EDIL3: variants seen among roughly 807,000 people sequenced by gnomAD.
EDIL3 encodes the protein EGF-like repeat and discoidin I-like domain-containing protein 3.
EDIL3 carries 37 observed loss-of-function variants against 67.4 expected under a neutral mutation model. The ratio of observed to expected loss-of-function variants is 0.55; its 90% CI spans 0.42 to 0.72. The LOEUF (loss-of-function observed/expected upper bound fraction) is 0.72, where lower values mean the gene tolerates loss of function less well. EDIL3 is among the 30% of genes least tolerant of loss of function. The probability of loss-of-function intolerance (pLI) is 0.00; values close to 1 mark genes in which losing one functional copy is unlikely to be tolerated. For synonymous variants in EDIL3, 195 were observed against 196.3 expected (o/e 0.99, Z 0.05); for missense variants, 527 against 586.3 (o/e 0.90, Z 1.04).
intron 10 of EDIL3, among the ~76,000 whole-genome samples, chr5:83,962,329 T>C (rs187008544): frequency 2.0e-5 from 3 of 151,558 alleles, no homozygotes; most frequent in African/African-American, 7.2e-5. Flanking sequence ...TTTGTTGATG[T>C]CTTCAGAAAG....
Position 84,297,085 on chromosome 5 carries a change from G to T in EDIL3, c.68-42873C>A, listed in dbSNP as rs183670359. The stretch of plus-strand genomic sequence containing the variant: ...TAGTCCCAGCTACTCAGGAGGCTGA[G>T]GCAGGAGAATGGTGTGAACCCAGGA... On this transcript the variant is annotated intron_variant, in intron 1 of 10. Coordinates refer to ENST00000296591, the MANE Select transcript of EDIL3 (RefSeq NM_005711.5). Among the ~76,000 whole-genome samples the T allele has an allele frequency of 9.2e-3, 1,384 of 151,104 alleles. 8 individuals carry two copies. Among genetic ancestry groups the T allele is most frequent in the Non-Finnish European group, 0.015 (986 of 67,848 alleles).
In EDIL3 at chr5:84,093,038, T is replaced by C. The variant is rs566163977; in HGVS notation, c.651+13611A>G. 1.8e-4 allele frequency among the ~76,000 whole-genome samples: 27 copies of C among 152,310 alleles called. 1 individual carries two copies. In the South Asian group the frequency reaches 5.2e-3, roughly 29 times the overall value. On this transcript the variant is annotated intron_variant, in intron 6 of 10. Coordinates refer to ENST00000296591, the MANE Select transcript of EDIL3 (RefSeq NM_005711.5). ...GAGGCACTCCCCGTATAAATATAAA[T>C]GCACCACATGTGGTACCAATGGATC...
At chr5:83,992,575 T>C (rs1377395913) in intron 9 of EDIL3, among the ~76,000 whole-genome samples, 1 of 152,130 alleles carries the variant, frequency 6.6e-6, no homozygotes, top group African/African-American at 2.4e-5. Flanking sequence ...GCACCAATGG[T>C]TTAAATTATG....
chr5:84,099,486 C>T (rs1561431159), intron 6 of EDIL3, among the ~76,000 whole-genome samples: 3 of 152,116 alleles, frequency 2.0e-5, no homozygotes, highest in African/African-American at 7.2e-5. Flanking sequence ...GAAAGGATTC[C>T]CTATTTAATA....
At chr5:84,274,200 A>G (rs1188761811) in intron 1 of EDIL3, among the ~76,000 whole-genome samples, 1 of 152,042 alleles carries the variant, frequency 6.6e-6, no homozygotes, top group African/African-American at 2.4e-5. Context: ...TCGAACTTCC[A>G]GGCTCATGTG....
chr5:84,162,847 C>T lies in EDIL3; in HGVS notation c.355+17546G>A, dbSNP rs148583879. Among the ~76,000 whole-genome samples the T allele has an allele frequency of 8.5e-4, 130 of 152,186 alleles. 1 individual carries two copies. Among genetic ancestry groups the T allele is most frequent in the Non-Finnish European group, 1.4e-3 (94 of 67,996 alleles). ...AGTGAGGACAGCTTAGGCCATAGCC[C>T]CTTGTCTTTGGGCCTCCCAAGAAAG... On this transcript the variant is annotated intron_variant, in intron 4 of 10. Coordinates refer to ENST00000296591, the MANE Select transcript of EDIL3 (RefSeq NM_005711.5).
intron 5 of EDIL3, among the ~76,000 whole-genome samples, chr5:84,129,947 C>A (rs1160596769): frequency 6.6e-6 from 1 of 152,122 alleles, no homozygotes; most frequent in Admixed American, 6.6e-5. Context: ...ACAATCTTAA[C>A]TCATCCACTA....
chr5:84,036,860 G>A (rs1265301732), intron 9 of EDIL3, among the ~76,000 whole-genome samples: 1 of 152,020 alleles, frequency 6.6e-6, no homozygotes, highest in African/African-American at 2.4e-5. Context: ...AAGGTGACAG[G>A]GTTGGCCAAG....
intron 6 of EDIL3, among the ~76,000 whole-genome samples, chr5:84,100,777 TTG>T (rs1747349632): frequency 6.6e-6 from 1 of 152,110 alleles, no homozygotes; most frequent in Non-Finnish European, 1.5e-5. Context: ...CTTTGAGAAA[TTG>T]TGTTTGTTTT....
chr5:84,050,504 G>T (rs1561414981), intron 9 of EDIL3, among the ~76,000 whole-genome samples: 1 of 152,352 alleles, frequency 6.6e-6, no homozygotes, highest in East Asian at 1.9e-4. Flanking sequence ...GTGAGCTGAA[G>T]CAGGGCGAGG....
At chr5:84,085,138 G>C (rs1015582751) in intron 6 of EDIL3, among the ~76,000 whole-genome samples, 1 of 152,172 alleles carries the variant, frequency 6.6e-6, no homozygotes, top group Non-Finnish European at 1.5e-5. Context: ...CTTTAGCTAA[G>C]AGGAGTTTGT....
intron 4 of EDIL3, among the ~76,000 whole-genome samples, chr5:84,165,135 C>T (rs1394302007): frequency 6.6e-6 from 1 of 152,114 alleles, no homozygotes; most frequent in Non-Finnish European, 1.5e-5. Flanking sequence ...GATTGTGAAG[C>T]TGGTGTCCCT....
At chr5:84,320,195 G>T (rs1343362573) in intron 1 of EDIL3, among the ~76,000 whole-genome samples, 1 of 151,958 alleles carries the variant, frequency 6.6e-6, no homozygotes, top group Admixed American at 6.6e-5. Context: ...AAAAAATGTT[G>T]CCTGCAAGTC....
intron 1 of EDIL3, among the ~76,000 whole-genome samples, chr5:84,344,421 T>C (rs1747195221): frequency 6.6e-6 from 1 of 152,066 alleles, no homozygotes; most frequent in African/African-American, 2.4e-5. Flanking sequence ...AAAATTGTAT[T>C]TTTAAACTTT....
At chr5:84,107,554 C>T (rs915135015) in intron 5 of EDIL3, among the ~76,000 whole-genome samples, 13 of 151,568 alleles carry the variant, frequency 8.6e-5, no homozygotes, top group Non-Finnish European at 1.6e-4. Flanking sequence ...TTCAAATTCA[C>T]AATTCTACAT....
chr5:84,031,545 G>C (rs1047729828), intron 9 of EDIL3, among the ~76,000 whole-genome samples: 2 of 152,140 alleles, frequency 1.3e-5, no homozygotes, highest in African/African-American at 4.8e-5. Flanking sequence ...TGAATGTGGA[G>C]TCTTCATGAA....
chr5:84,217,488 T>C (rs1204228409), intron 3 of EDIL3, among the ~76,000 whole-genome samples: 2 of 152,136 alleles, frequency 1.3e-5, no homozygotes, highest in African/African-American at 2.4e-5. Context: ...CAGTTGACTT[T>C]AAGTAAAAAA....
intron 9 of EDIL3, among the ~76,000 whole-genome samples, chr5:84,039,863 T>C (rs1054380455): frequency 6.6e-6 from 1 of 152,068 alleles, no homozygotes; most frequent in African/African-American, 2.4e-5. Context: ...TATAATAAAT[T>C]TAAATTTAAC....
intron 9 of EDIL3, among the ~76,000 whole-genome samples, chr5:83,984,321 C>T (rs1487891197): frequency 6.6e-6 from 1 of 152,030 alleles, no homozygotes; most frequent in African/African-American, 2.4e-5. Context: ...CAAAAAACAA[C>T]AGGTAAAGCT....
Sources: allele counts gnomAD v4.1 joint callset (sites outside exome capture counted in the v4.1 genomes callset), GRCh38; gene constraint gnomAD v4.1.1; transcripts MANE v1.5; gene names NCBI Gene and HGNC (gene_info 2026-07-23, HGNC 2026-07-21).